The following VWC2L variants were observed in gnomAD, a reference collection of about 807,000 sequenced individuals.
VWC2L encodes the protein von Willebrand factor C domain containing 2 like.
Under a neutral mutation model 21.6 loss-of-function variants are expected in VWC2L, and 10 were observed. The observed-to-expected ratio is 0.46, with a 90% CI of 0.29 to 0.78. The LOEUF is 0.78. Among genes scored for constraint, VWC2L ranks in the 30% least tolerant of loss-of-function variants. VWC2L has a pLI of 0.10. For missense variants in VWC2L, 209 were observed against 277.1 expected, an observed-to-expected ratio of 0.75 and a Z score of 1.74; for synonymous variants, 96 against 94.3, an observed-to-expected ratio of 1.02 and a Z score of -0.10.
At chr2:214,501,695 C>A (rs1688893075) in intron 3 of VWC2L, among the ~76,000 whole-genome samples, 1 of 134,624 alleles carries the variant, frequency 7.4e-6, no homozygotes, top group Non-Finnish European at 1.5e-5. Flanking sequence ...GCGCTCCAGC[C>A]TGGGTGACAG....
intron 3 of VWC2L, among the ~76,000 whole-genome samples, chr2:214,498,259 C>G (rs913156313): frequency 1.3e-5 from 2 of 152,180 alleles, no homozygotes; most frequent in Non-Finnish European, 2.9e-5. Flanking sequence ...TTCCTAACCA[C>G]CACTTTCCAC....
At chr2:214,537,931 C>T (rs533405616) in intron 3 of VWC2L, among the ~76,000 whole-genome samples, 22 of 144,340 alleles carry the variant, frequency 1.5e-4, no homozygotes, top group African/African-American at 5.1e-4. Flanking sequence ...GGGCTTGCCA[C>T]GTGTAAGATT....
chr2:214,468,409 C>A (rs1703256891), intron 3 of VWC2L, among the ~76,000 whole-genome samples: 1 of 152,116 alleles, frequency 6.6e-6, no homozygotes, highest in South Asian at 2.1e-4. Flanking sequence ...AATTATGGAT[C>A]CAGCTTTCAC....
At chr2:214,412,171 C>T (rs1702286978) in intron 1 of VWC2L, among the ~76,000 whole-genome samples, 2 of 152,040 alleles carry the variant, frequency 1.3e-5, no homozygotes, top group South Asian at 4.1e-4. Context: ...CCTATTTTTA[C>T]CTCTAAGTTT....
At chr2:214,523,233 C>T (rs1443389421) in intron 3 of VWC2L, among the ~76,000 whole-genome samples, 1 of 152,118 alleles carries the variant, frequency 6.6e-6, no homozygotes, top group Non-Finnish European at 1.5e-5. Flanking sequence ...TGCAGAGAAC[C>T]CTTTGAGGAA....
At chr2:214,431,922 C>T (rs2126176717) in intron 2 of VWC2L, among the ~76,000 whole-genome samples, 1 of 152,284 alleles carries the variant, frequency 6.6e-6, no homozygotes, top group East Asian at 1.9e-4. Context: ...TGAAGATTGA[C>T]TTACCTGTGA....
chr2:214,487,904 CCAAA>C (rs1366286135), intron 3 of VWC2L, among the ~76,000 whole-genome samples: 5 of 152,234 alleles, frequency 3.3e-5, no homozygotes, highest in African/African-American at 9.6e-5. Context: ...ATCTCATAAA[CCAAA>C]CAGTCAGGTC....
intron 3 of VWC2L, among the ~76,000 whole-genome samples, chr2:214,463,818 G>A (rs936094159): frequency 6.6e-6 from 1 of 152,062 alleles, no homozygotes; most frequent in Admixed American, 6.5e-5. Flanking sequence ...ATACTTTCTA[G>A]ATCTTGTAGG....
intron 2 of VWC2L, among the ~76,000 whole-genome samples, chr2:214,425,945 G>T (rs992418414): frequency 1.3e-5 from 2 of 152,022 alleles, no homozygotes; most frequent in Non-Finnish European, 2.9e-5. Flanking sequence ...GCTGAGGCGG[G>T]CAGATCACCT....
chr2:214,522,777 A>C (rs951534658), intron 3 of VWC2L, among the ~76,000 whole-genome samples: 1 of 152,206 alleles, frequency 6.6e-6, no homozygotes, highest in Non-Finnish European at 1.5e-5. Context: ...TACAATAGCT[A>C]TTTTATAGAA....
At chr2:214,550,181 C>T (rs56398037) in intron 3 of VWC2L, among the ~76,000 whole-genome samples, 6,492 of 152,112 alleles carry the variant, frequency 0.043, 484 homozygotes, top group African/African-American at 0.15. Flanking sequence ...CTGTGCTGTG[C>T]CATTTGGAAT....
intron 3 of VWC2L, among the ~76,000 whole-genome samples, chr2:214,533,303 T>A (rs1217128016): frequency 6.6e-6 from 1 of 152,098 alleles, no homozygotes; most frequent in Non-Finnish European, 1.5e-5. Flanking sequence ...GCTTATGAGA[T>A]GCTCTAGCAA....
chr2:214,477,796 T>G (rs1688545686), intron 3 of VWC2L, among the ~76,000 whole-genome samples: 1 of 152,270 alleles, frequency 6.6e-6, no homozygotes, highest in Non-Finnish European at 1.5e-5. Context: ...TTTCACTCAT[T>G]GTTAGATAAT....
intron 2 of VWC2L, chr2:214,436,423 C>T (rs1020668823): frequency 1.9e-6 from 1 of 537,022 alleles, no homozygotes; most frequent in Admixed American, 3.2e-5. Flanking sequence ...TTCTTGTTCA[C>T]AGCAACCTGA....
chr2:214,482,622 A>T (rs1391632892), intron 3 of VWC2L, among the ~76,000 whole-genome samples: 2 of 149,706 alleles, frequency 1.3e-5, no homozygotes, highest in African/African-American at 4.9e-5. Flanking sequence ...GAGAGAAAAA[A>T]ATTTAATATT....
intron 3 of VWC2L, among the ~76,000 whole-genome samples, chr2:214,564,889 C>A (rs1172531513): frequency 3.3e-5 from 5 of 152,090 alleles, no homozygotes; most frequent in Admixed American, 3.3e-4. Flanking sequence ...ATCAGTAGCC[C>A]CTTTCCCTAG....
chr2:214,511,767 T>C (rs1408292251), intron 3 of VWC2L, among the ~76,000 whole-genome samples: 1 of 151,418 alleles, frequency 6.6e-6, no homozygotes, highest in Non-Finnish European at 1.5e-5. Context: ...AAACCCTTCA[T>C]TATTTAAACT....
chr2:214,571,216 C>T (rs992047190), intron 3 of VWC2L, among the ~76,000 whole-genome samples: 4 of 152,156 alleles, frequency 2.6e-5, no homozygotes, highest in Non-Finnish European at 4.4e-5. Flanking sequence ...CAGTAATGCA[C>T]TCCTAGCTAC....
intron 2 of VWC2L, among the ~76,000 whole-genome samples, chr2:214,430,900 G>A (rs886253291): frequency 2.0e-5 from 3 of 152,122 alleles, no homozygotes; most frequent in South Asian, 2.1e-4. Context: ...TCAGCTTGAT[G>A]TCCATAATTT....
Sources: gnomAD v4.1 joint callset for allele counts (sites outside exome capture counted in the v4.1 genomes callset) on GRCh38, gnomAD v4.1.1 for gene constraint, MANE v1.5 for transcripts, NCBI Gene and HGNC (gene_info 2026-07-23, HGNC 2026-07-21) for gene names.